The following ITGBL1 variants were observed in gnomAD, a reference collection of about 807,000 sequenced individuals.
The protein encoded by ITGBL1 is integrin beta-like protein 1.
A neutral mutation model predicts 68.5 loss-of-function variants in ITGBL1; 51 were observed. The ratio of observed to expected loss-of-function variants is 0.74; its 90% CI spans 0.59 to 0.94. The LOEUF is 0.94. ITGBL1 is among the 40% of genes least tolerant of loss of function. The probability of loss-of-function intolerance (pLI) is 0.00; values close to 1 mark genes in which losing one functional copy is unlikely to be tolerated. For missense variants in ITGBL1, 649 were observed against 647.4 expected (o/e 1.00, Z -0.03); for synonymous variants, 209 against 227.3 (o/e 0.92, Z 0.72).
At position 101,604,874 on chromosome 13, in the gene ITGBL1, A is replaced by ATG. The variant is rs1566752892; in HGVS notation, c.1015+6576_1015+6577insGT. 5.0e-4 allele frequency among the ~76,000 whole-genome samples: 21 copies of ATG among 42,074 alleles called. 1 individual carries two copies. Among genetic ancestry groups the ATG allele is most frequent in the South Asian group, 9.2e-4 (1 of 1,090 alleles). 27.6% of individuals were successfully genotyped at this position (42,074 alleles called of 152,430 possible). A position where few individuals can be genotyped will look rare whatever the true frequency, so the allele number is the denominator to read the frequency against. On this transcript the variant is annotated intron_variant, in intron 7 of 10. Transcript: ENST00000376180. ...TATATATATATATATATATATATATATATATATATATATACACACACACAC... is the reference window on the plus strand; with the variant it reads ...TATATATATATATATATATATATATATGTATATATATATATACACACACACAC...
At chr13:101,651,736 A>G (rs1236717073) in intron 7 of ITGBL1, among the ~76,000 whole-genome samples, 3 of 150,986 alleles carry the variant, frequency 2.0e-5, no homozygotes, top group Non-Finnish European at 4.4e-5. Flanking sequence ...TCATCATGAA[A>G]TTTTTGCCCG....
chr13:101,497,135 A>G (rs2048868607), intron 2 of ITGBL1, among the ~76,000 whole-genome samples: 1 of 152,240 alleles, frequency 6.6e-6, no homozygotes, highest in Admixed American at 6.5e-5. Flanking sequence ...GAGAGAAGCT[A>G]GAATTGTGGC....
At chr13:101,464,551 A>G (rs942852003) in intron 2 of ITGBL1, among the ~76,000 whole-genome samples, 1 of 151,924 alleles carries the variant, frequency 6.6e-6, no homozygotes, top group African/African-American at 2.4e-5. Context: ...ATATATGCAT[A>G]TGTTTATATA....
At chr13:101,649,935 C>T (rs1283558143) in intron 7 of ITGBL1, among the ~76,000 whole-genome samples, 2 of 152,138 alleles carry the variant, frequency 1.3e-5, no homozygotes. Flanking sequence ...GATCTAGTTA[C>T]ATTTCCCACA....
intron 2 of ITGBL1, among the ~76,000 whole-genome samples, chr13:101,472,510 G>T (rs1260300252): frequency 2.0e-5 from 3 of 152,144 alleles, no homozygotes; most frequent in African/African-American, 7.2e-5. Context: ...AGAACTTCAA[G>T]AGTATTGGAA....
intron 7 of ITGBL1, among the ~76,000 whole-genome samples, chr13:101,658,556 A>G (rs537029922): frequency 1.3e-5 from 2 of 152,252 alleles, no homozygotes; most frequent in East Asian, 3.9e-4. Context: ...ATATACATGC[A>G]TGTGTATGCA....
chr13:101,696,057 C>T (rs2033994428), intron 8 of ITGBL1, among the ~76,000 whole-genome samples: 1 of 152,162 alleles, frequency 6.6e-6, no homozygotes, highest in South Asian at 2.1e-4. Context: ...AAAGCCTCAA[C>T]ATCTGTGCAG....
intron 7 of ITGBL1, among the ~76,000 whole-genome samples, chr13:101,629,124 C>A (rs561724779): frequency 6.6e-6 from 1 of 151,988 alleles, no homozygotes; most frequent in African/African-American, 2.4e-5. Context: ...GCTACCATGC[C>A]GTTTTTCTAT....
At chr13:101,456,341 T>A (rs1231176027) in intron 2 of ITGBL1, among the ~76,000 whole-genome samples, 1 of 152,160 alleles carries the variant, frequency 6.6e-6, no homozygotes, top group Non-Finnish European at 1.5e-5. Context: ...CATGCGGAGA[T>A]CCCTACAAGT....
chr13:101,549,670 A>G (rs1262766837), intron 2 of ITGBL1, among the ~76,000 whole-genome samples: 1 of 152,108 alleles, frequency 6.6e-6, no homozygotes, highest in African/African-American at 2.4e-5. Flanking sequence ...ACGATTTATA[A>G]ACCAATGAGA....
At chr13:101,658,580 G>A (rs2032996233) in intron 7 of ITGBL1, among the ~76,000 whole-genome samples, 1 of 152,040 alleles carries the variant, frequency 6.6e-6, no homozygotes, top group African/African-American at 2.4e-5. Flanking sequence ...ATATGCATAT[G>A]TGTCTTATAT....
intron 3 of ITGBL1, among the ~76,000 whole-genome samples, chr13:101,572,365 C>A (rs979029169): frequency 1.3e-5 from 2 of 152,030 alleles, no homozygotes; most frequent in Admixed American, 6.5e-5. Flanking sequence ...CAGAGGCTAA[C>A]TTTGTGGGAA....
intron 7 of ITGBL1, among the ~76,000 whole-genome samples, chr13:101,691,782 C>T (rs540851714): frequency 6.6e-6 from 1 of 152,264 alleles, no homozygotes; most frequent in South Asian, 2.1e-4. Context: ...AGCTGGTTCA[C>T]CATTGGAAAG....
intron 8 of ITGBL1, among the ~76,000 whole-genome samples, chr13:101,695,131 G>C (rs1349765766): frequency 2.0e-5 from 3 of 152,104 alleles, no homozygotes; most frequent in Non-Finnish European, 4.4e-5. Flanking sequence ...TTTAACATAG[G>C]CTGAAGGCTA....
intron 2 of ITGBL1, among the ~76,000 whole-genome samples, chr13:101,532,702 T>A (rs1423518319): frequency 6.6e-6 from 1 of 152,330 alleles, no homozygotes; most frequent in African/African-American, 2.4e-5. Flanking sequence ...AAGTCTTTTT[T>A]TGCATAACAA....
intron 2 of ITGBL1, among the ~76,000 whole-genome samples, chr13:101,514,011 A>G (rs1050136305): frequency 6.6e-6 from 1 of 152,094 alleles, no homozygotes; most frequent in Non-Finnish European, 1.5e-5. Context: ...AATGCCCTAA[A>G]TTTAATATCT....
chr13:101,646,109 C>T (rs2032546954), intron 7 of ITGBL1, among the ~76,000 whole-genome samples: 1 of 152,166 alleles, frequency 6.6e-6, no homozygotes, highest in African/African-American at 2.4e-5. Flanking sequence ...GATGTGTTTC[C>T]ATTGGCTTTT....
At chr13:101,692,116 C>A (rs1171204108) in intron 7 of ITGBL1, among the ~76,000 whole-genome samples, 5 of 152,048 alleles carry the variant, frequency 3.3e-5, no homozygotes, top group African/African-American at 1.2e-4. Context: ...TACAAATAGT[C>A]ACTAAAATAG....
chr13:101,715,526 G>T lies in ITGBL1; in HGVS notation c.1394-37G>T. 3 of 1,423,170 alleles carry T rather than the reference G, an allele frequency of 2.1e-6. No individual in the cohort carries two copies. The South Asian group carries it at 3.5e-5, about 16-fold the overall frequency. The allele number at this position is 1,423,170 out of a possible 1,614,324, so 88.2% of individuals were successfully genotyped here. ...AGCATGTTTAAATTTGGCACATTTT[G>T]ATCATAATCATGATACCTATATGTA... On this transcript the variant is annotated intron_variant, in intron 10 of 10. Transcript: ENST00000376180.
Sources: gnomAD v4.1 joint callset for allele counts (sites outside exome capture counted in the v4.1 genomes callset) on GRCh38, gnomAD v4.1.1 for gene constraint, MANE v1.5 for transcripts, NCBI Gene and HGNC (gene_info 2026-07-23, HGNC 2026-07-21) for gene names.